The following IFT46 variants were observed in gnomAD, a reference collection of about 807,000 sequenced individuals.
IFT46 encodes intraflagellar transport protein 46 homolog.
IFT46 carries 19 observed loss-of-function variants against 39.6 expected under a neutral mutation model. The observed-to-expected ratio is 0.48, with a 90% confidence interval of 0.33 to 0.70. IFT46 has a LOEUF of 0.70. Among genes scored for constraint, IFT46 ranks in the 30% least tolerant of loss-of-function variants. The probability of loss-of-function intolerance (pLI) is 0.01; values close to 1 mark genes in which losing one functional copy is unlikely to be tolerated. For missense variants in IFT46, 334 were observed against 364.8 expected, an observed-to-expected ratio of 0.92 and a Z score of 0.69; for synonymous variants, 117 against 134.8, an observed-to-expected ratio of 0.87 and a Z score of 0.91.
chr11:118,554,352 A>G (rs2135491592), intron 7 of IFT46, 107 bp downstream of exon 7: 1 of 1,189,482 alleles, frequency 8.4e-7, no homozygotes, highest in Non-Finnish European at 1.2e-6. Flanking sequence ...CACCGCACCC[A>G]GGCCCATCTC....
chr11:118,574,404 C>T (rs577445942), upstream of IFT46, among the ~76,000 whole-genome samples: 2 of 152,198 alleles, frequency 1.3e-5, no homozygotes, highest in East Asian at 3.9e-4. Flanking sequence ...TTTAGCTCAA[C>T]ATTTCATTAT....
chr11:118,574,818 A>G (rs541215274), upstream of IFT46, among the ~76,000 whole-genome samples: 1 of 151,882 alleles, frequency 6.6e-6, no homozygotes, highest in Non-Finnish European at 1.5e-5. Flanking sequence ...GGCAGTAGCT[A>G]TTCACAGGCG....
intron 3 of IFT46, among the ~76,000 whole-genome samples, chr11:118,558,742 C>T (rs910181301): frequency 3.3e-5 from 5 of 151,048 alleles, no homozygotes; most frequent in Admixed American, 1.3e-4. Context: ...ATGGCAAAAC[C>T]CCATCTCTAC....
intron 7 of IFT46, among the ~76,000 whole-genome samples, 170 bp downstream of exon 7, chr11:118,554,289 C>T (rs1937751812): frequency 1.3e-5 from 2 of 152,078 alleles, no homozygotes; most frequent in African/African-American, 4.8e-5. Context: ...ATCTCCTGAC[C>T]TCATGATCCA....
intron 2 of IFT46, among the ~76,000 whole-genome samples, chr11:118,563,575 G>T (rs1264550619): frequency 6.6e-6 from 1 of 151,974 alleles, no homozygotes; most frequent in Non-Finnish European, 1.5e-5. Flanking sequence ...TTTATTCTCA[G>T]CTTCCTCACC....
chr11:118,563,459 A>C (rs1354810274), intron 2 of IFT46, among the ~76,000 whole-genome samples: 3 of 152,248 alleles, frequency 2.0e-5, no homozygotes, highest in African/African-American at 7.2e-5. Flanking sequence ...ATAAACAAAC[A>C]GAAACCCTGG....
intron 3 of IFT46, among the ~76,000 whole-genome samples, chr11:118,558,995 T>G (rs1203335311): frequency 8.8e-5 from 13 of 148,172 alleles, no homozygotes; most frequent in African/African-American, 2.0e-4. Context: ...GCCTCCCAAG[T>G]AGCTGGGATT....
At chr11:118,546,759 A>T (rs1555067299) in intron 9 of IFT46, 1 of 152,856 alleles carries the variant, frequency 6.5e-6, no homozygotes, top group Non-Finnish European at 1.5e-5. Context: ...AACTGATACC[A>T]AGTTATGGGC....
At chr11:118,560,878 G>C in intron 2 of IFT46, 1 of 781,236 alleles carries the variant, frequency 1.3e-6, no homozygotes, top group Non-Finnish European at 2.3e-6. Context: ...TCATTTGTCA[G>C]ACTGCTTATG....
intron 9 of IFT46, chr11:118,546,790 G>A (rs1951698260): frequency 6.6e-6 from 1 of 152,312 alleles, no homozygotes; most frequent in African/African-American, 2.4e-5. Flanking sequence ...AGTTATATAT[G>A]CATTACTTGG....
chr11:118,550,228 C>T (rs891892675), intron 9 of IFT46, among the ~76,000 whole-genome samples: 7 of 152,246 alleles, frequency 4.6e-5, no homozygotes, highest in Non-Finnish European at 7.4e-5. Flanking sequence ...TGAGCCACCG[C>T]GCCTGGCCTA....
chr11:118,573,232 T>A (rs928986902), upstream of IFT46, among the ~76,000 whole-genome samples: 1 of 152,128 alleles, frequency 6.6e-6, no homozygotes, highest in African/African-American at 2.4e-5. Flanking sequence ...GTGAGCAGGT[T>A]CCAGAGAACA....
intron 3 of IFT46, 55 bp from the exon 4 acceptor site, chr11:118,557,100 C>T (rs1555069697): frequency 2.0e-6 from 3 of 1,477,444 alleles, no homozygotes; most frequent in Non-Finnish European, 2.7e-6. Flanking sequence ...TCAAATGTAC[C>T]TATGCCCAGT....
chr11:118,556,503 T>A (rs574601040), intron 4 of IFT46, among the ~76,000 whole-genome samples: 1,667 of 151,542 alleles, frequency 0.011, 28 homozygotes, highest in African/African-American at 0.037. Context: ...AAAAAAAAAA[T>A]AAAATTTTGT....
chr11:118,574,844 G>T (rs73555296), upstream of IFT46, among the ~76,000 whole-genome samples: 7,351 of 152,010 alleles, frequency 0.048, 346 homozygotes, highest in African/African-American at 0.12. Context: ...ATAGTGCACT[G>T]CGGCCTAGAA....
At chr11:118,572,498 C>T in intron 1 of IFT46, 1 of 1,608,772 alleles carries the variant, frequency 6.2e-7, no homozygotes, top group Non-Finnish European at 8.5e-7. Flanking sequence ...GACCCTACCC[C>T]TATCCCCAGT....
At chr11:118,573,393 C>G (rs1555072840), upstream of IFT46, among the ~76,000 whole-genome samples, 1 of 152,130 alleles carries the variant, frequency 6.6e-6, no homozygotes, top group African/African-American at 2.4e-5. Flanking sequence ...TCTTTGTATA[C>G]TCATCTGTTA....
Position 118,552,262 on chromosome 11 carries a change from A to G in IFT46, c.557T>C (p.Ile186Thr). Residue 186 changes from isoleucine (I) to threonine (T), a missense_variant, in exon 8 of 12, where the codon ATC (isoleucine) becomes ACC (threonine). By Grantham distance (89) the Ile-to-Thr change is moderately conservative (BLOSUM62 -1). Transcript: ENST00000264021. ...PKAIDTWIES[I>T]SELHRSKPPA... ...GGGCTTAGAACGGTGTAATTCAGAG[A>G]TGCTCTCAATCCACGTGTCAATGGC... 6.2e-7 allele frequency: 1 copy of G among 1,614,172 alleles called. No homozygotes were observed. Among genetic ancestry groups the G allele is most frequent in the Non-Finnish European group, 8.5e-7 (1 of 1,180,024 alleles).
Sources: gnomAD v4.1 joint callset for allele counts (sites outside exome capture counted in the v4.1 genomes callset) on GRCh38, gnomAD v4.1.1 for gene constraint, MANE v1.5 for transcripts, NCBI Gene and HGNC (gene_info 2026-07-23, HGNC 2026-07-21) for gene names.